The following PRKAR2A variants were observed in gnomAD, a reference collection of about 807,000 sequenced individuals.
PRKAR2A encodes protein kinase cAMP-dependent type II regulatory subunit alpha.
Under a neutral mutation model 51.9 loss-of-function variants are expected in PRKAR2A, and 29 were observed. The ratio of observed to expected loss-of-function variants is 0.56; its 90% CI spans 0.42 to 0.76. The LOEUF is 0.76. Among genes scored for constraint, PRKAR2A ranks in the 30% least tolerant of loss-of-function variants. The pLI, the probability that PRKAR2A is intolerant of heterozygous loss-of-function variation, is 0.00. For missense variants in PRKAR2A, 445 were observed against 512.1 expected (o/e 0.87, Z 1.26); for synonymous variants, 178 against 186.2 (o/e 0.96, Z 0.36).
chr3:48,844,039 G>C (rs2083421979), intron 1 of PRKAR2A, among the ~76,000 whole-genome samples: 1 of 149,918 alleles, frequency 6.7e-6, no homozygotes. Context: ...TACCATCAGA[G>C]TGAACAGGCA....
At chr3:48,844,149 T>A (rs1187163702) in intron 1 of PRKAR2A, among the ~76,000 whole-genome samples, 206 of 151,842 alleles carry the variant, frequency 1.4e-3, no homozygotes, top group Non-Finnish European at 2.6e-3. Flanking sequence ...AGAAAAAAAC[T>A]AACAACCCCA....
At chr3:48,836,216 A>C (rs2083280504) in intron 1 of PRKAR2A, among the ~76,000 whole-genome samples, 1 of 151,310 alleles carries the variant, frequency 6.6e-6, no homozygotes, top group Non-Finnish European at 1.5e-5. Context: ...TCAGGAGTTC[A>C]AGACCAGCCT....
Position 48,781,320 on chromosome 3 carries a change from C to T in PRKAR2A, c.542+1666G>A, listed in dbSNP as rs139505100. On this transcript the variant is annotated intron_variant, in intron 5 of 10. Transcript: ENST00000265563. The stretch of plus-strand genomic sequence containing the variant: ...ACTTAATAAAGCAAAGGGAGTAGAA[C>T]GCTAACCTAGGGAACCTGTATTTAC... Among the ~76,000 whole-genome samples, 9 of 150,492 alleles carry T rather than the reference C, an allele frequency of 6.0e-5. 1 individual carries two copies. Among genetic ancestry groups the T allele is most frequent in the Middle Eastern group, 6.9e-3 (2 of 290 alleles).
At chr3:48,776,631 A>G (rs1398564851) in intron 5 of PRKAR2A, among the ~76,000 whole-genome samples, 1 of 152,096 alleles carries the variant, frequency 6.6e-6, no homozygotes, top group African/African-American at 2.4e-5. Context: ...ACCTGAGGTC[A>G]GGAGTTCGAG....
intron 1 of PRKAR2A, among the ~76,000 whole-genome samples, chr3:48,833,230 G>A (rs1158090653): frequency 6.6e-6 from 1 of 152,058 alleles, no homozygotes; most frequent in South Asian, 2.1e-4. Flanking sequence ...AAAAGATGGG[G>A]GGTCTCGCCA....
At chr3:48,837,043 G>A (rs1484903632) in intron 1 of PRKAR2A, among the ~76,000 whole-genome samples, 1 of 152,014 alleles carries the variant, frequency 6.6e-6, no homozygotes. Flanking sequence ...TGAAAGGATC[G>A]CTTGAGCCTG....
chr3:48,761,694 C>A (rs532165865), intron 8 of PRKAR2A, among the ~76,000 whole-genome samples: 84 of 152,304 alleles, frequency 5.5e-4, no homozygotes, highest in African/African-American at 1.9e-3. Flanking sequence ...CTCACTGCAA[C>A]CTCTGCCTCC....
intron 1 of PRKAR2A, among the ~76,000 whole-genome samples, chr3:48,837,316 G>A (rs1481257296): frequency 2.6e-5 from 4 of 152,000 alleles, no homozygotes; most frequent in African/African-American, 9.7e-5. Flanking sequence ...AAAATAAGAA[G>A]AAATGCAACT....
downstream of PRKAR2A, among the ~76,000 whole-genome samples, chr3:48,745,174 CTTT>C (rs111854982): frequency 7.8e-6 from 1 of 128,122 alleles, no homozygotes. Flanking sequence ...CGCACCCAGC[CTTT>C]TTTTTTTTTT....
intron 8 of PRKAR2A, among the ~76,000 whole-genome samples, chr3:48,763,556 C>A (rs1243215099): frequency 1.3e-5 from 2 of 152,146 alleles, no homozygotes; most frequent in African/African-American, 4.8e-5. Context: ...CAGTTAACAT[C>A]TCCCATTTCT....
chr3:48,811,803 C>T (rs1469524041), intron 1 of PRKAR2A, among the ~76,000 whole-genome samples: 2 of 151,808 alleles, frequency 1.3e-5, no homozygotes, highest in African/African-American at 4.8e-5. Flanking sequence ...TATATGTTAT[C>T]CGAATTTCAC....
rs974297196 is a variant in PRKAR2A, at chr3:48,750,257, G to A, written c.*1328C>T. The A allele has an allele frequency of 1.3e-5, 2 of 152,284 alleles. No individual in the cohort carries two copies. The highest frequency in any genetic ancestry group is 2.9e-5 in the Non-Finnish European group (2 of 68,068). 9.4% of individuals were successfully genotyped at this position (152,284 alleles called of 1,614,324 possible). A position where few individuals can be genotyped will look rare whatever the true frequency, so the allele number is the denominator to read the frequency against. On this transcript the variant is annotated 3_prime_UTR_variant, in exon 11 of 11. Coordinates refer to ENST00000265563, the MANE Select transcript of PRKAR2A (RefSeq NM_004157.4). The stretch of plus-strand genomic sequence containing the variant: ...GCATGCCTGTAATCCCAGCTACTCA[G>A]GAGGTTGAGGCAGGAGAATCACTTT...
At chr3:48,836,561 T>C (rs955321213) in intron 1 of PRKAR2A, among the ~76,000 whole-genome samples, 1 of 150,644 alleles carries the variant, frequency 6.6e-6, no homozygotes, top group East Asian at 1.9e-4. Flanking sequence ...AGGGGTAAAT[T>C]TTCATGACCT....
chr3:48,785,258 A>AT (rs1198962303), intron 4 of PRKAR2A, among the ~76,000 whole-genome samples: 28,660 of 123,880 alleles, frequency 0.23, 4,301 homozygotes, highest in Non-Finnish European at 0.33. Context: ...GGCCTGGATA[A>AT]TTTTTTTTTT....
In PRKAR2A at chr3:48,847,568, A is replaced by C; in HGVS notation, c.29T>G (p.Leu10Arg). 1 of 1,549,200 alleles carries C rather than the reference A, an allele frequency of 6.5e-7. No homozygotes were observed. Among genetic ancestry groups the C allele is most frequent in the Non-Finnish European group, 8.7e-7 (1 of 1,152,636 alleles). Residue 10 changes from leucine to arginine, a missense_variant, in exon 1 of 11, where the codon CTC becomes CGC. Coordinates refer to ENST00000265563, the MANE Select transcript of PRKAR2A (RefSeq NM_004157.4). This position sits in a 1 kb window ranked among gnomAD's most constrained non-coding sequence, Gnocchi z 4.4. ...CGTGTAGCCCTGCAGCAGCTCCGTG[A>C]GCCCCGGCGGGATCTGGATGTGGCT... MSHIQIPPG[L>R]TELLQGYTVE...
intron 1 of PRKAR2A, among the ~76,000 whole-genome samples, chr3:48,821,527 C>G (rs958636798): frequency 6.6e-6 from 1 of 152,156 alleles, no homozygotes; most frequent in African/African-American, 2.4e-5. Context: ...AATGATTAAA[C>G]AACCAATTAC....
intron 1 of PRKAR2A, among the ~76,000 whole-genome samples, chr3:48,846,625 A>C (rs2083467579): frequency 6.6e-6 from 1 of 152,184 alleles, no homozygotes; most frequent in African/African-American, 2.4e-5. Context: ...TAGCTGGTAT[A>C]GACTATAGGG....
In PRKAR2A at chr3:48,789,090, G is replaced by A. The variant is rs528158543; in HGVS notation, c.435+1454C>T. Among the ~76,000 whole-genome samples the A allele has an allele frequency of 2.6e-5, 4 of 152,252 alleles. No homozygotes were observed. The East Asian group carries it at 5.8e-4, about 22-fold the overall frequency. On this transcript the variant is annotated intron_variant, in intron 4 of 10. Transcript: ENST00000265563. ...CATCTTCAGAAAAATCAATCTCTTT[G>A]TAGGATAAATTCAGACCCTCCTAAC...
chr3:48,786,421 G>A (rs1424651652), intron 4 of PRKAR2A, among the ~76,000 whole-genome samples: 6 of 150,062 alleles, frequency 4.0e-5, no homozygotes, highest in Admixed American at 3.3e-4. Flanking sequence ...CATCGCGCCC[G>A]GCTGATCTGG....
Sources: gnomAD v4.1 joint callset for allele counts (sites outside exome capture counted in the v4.1 genomes callset) on GRCh38, gnomAD v4.1.1 for gene constraint, Gnocchi (gnomAD v3.1) non-coding constraint, MANE v1.5 for transcripts, NCBI Gene and HGNC (gene_info 2026-07-23, HGNC 2026-07-21) for gene names.